Variants in WWOX observed in about 807,000 individuals in gnomAD.
The protein encoded by WWOX is WW domain containing oxidoreductase.
In WWOX, 69 loss-of-function variants were observed where a neutral mutation model predicts 46.2. The observed-to-expected ratio is 1.49, with a 90% CI of 1.23 to 1.82. WWOX has a LOEUF of 1.82. WWOX is among the 40% of genes most tolerant of loss of function. The pLI, the probability that WWOX is intolerant of heterozygous loss-of-function variation, is 0.00. For missense variants in WWOX, 919 were observed against 542.6 expected (o/e 1.69, Z -6.89); for synonymous variants, 359 against 202.6 (o/e 1.77, Z -6.56).
rs578202667 is a variant in WWOX at position 78,779,138 on chromosome 16, C to G, written c.1056+346386C>G. 3.3e-5 allele frequency among the ~76,000 whole-genome samples: 5 copies of G among 152,224 alleles called. No homozygotes were observed. The South Asian group carries it at 1.0e-3, about 32-fold the overall frequency. On this transcript the variant is annotated intron_variant, in intron 8 of 8. Transcript: ENST00000566780. ...AGTGTTGGAAAACATAAATGTGACT[C>G]CAACTTGTCTTTTTTGTTGTTTGTT...
chr16:78,455,381 C>T (rs2083789176), intron 8 of WWOX, among the ~76,000 whole-genome samples: 2 of 152,020 alleles, frequency 1.3e-5, no homozygotes, highest in African/African-American at 2.4e-5. Context: ...TGGCTCATGC[C>T]TGTGATTCCA....
At chr16:78,809,865 G>A (rs1197283393) in intron 8 of WWOX, among the ~76,000 whole-genome samples, 1 of 152,142 alleles carries the variant, frequency 6.6e-6, no homozygotes, top group African/African-American at 2.4e-5. Flanking sequence ...TGGCAGATCA[G>A]TTGCATGTGC....
intron 8 of WWOX, among the ~76,000 whole-genome samples, chr16:79,142,427 G>C (rs2050107822): frequency 6.6e-6 from 1 of 152,124 alleles, no homozygotes; most frequent in African/African-American, 2.4e-5. Context: ...GCCATAGTGA[G>C]AATATTTTCA....
chr16:78,870,590 C>G (rs1411138561), intron 8 of WWOX, among the ~76,000 whole-genome samples: 4 of 151,912 alleles, frequency 2.6e-5, no homozygotes, highest in Admixed American at 1.3e-4. Flanking sequence ...TCACCCCTAC[C>G]AATGTAATCA....
intron 8 of WWOX, among the ~76,000 whole-genome samples, chr16:78,585,827 C>G (rs7196526): frequency 0.33 from 49,959 of 151,658 alleles, 11,507 homozygotes; most frequent in African/African-American, 0.66. Flanking sequence ...GATTCTGTGG[C>G]CTTTATATTA....
At chr16:78,486,559 A>C (rs1483516200) in intron 8 of WWOX, among the ~76,000 whole-genome samples, 1 of 137,584 alleles carries the variant, frequency 7.3e-6, no homozygotes. Context: ...ATTGACTTCC[A>C]GTTTTGTTTT....
chr16:78,920,239 C>A (rs1338203657), intron 8 of WWOX, among the ~76,000 whole-genome samples: 3 of 152,154 alleles, frequency 2.0e-5, no homozygotes, highest in Non-Finnish European at 4.4e-5. Flanking sequence ...AAAGTTTCTT[C>A]CAGGACGTGA....
At chr16:79,064,949 TA>T (rs2048416009) in intron 8 of WWOX, among the ~76,000 whole-genome samples, 1 of 152,154 alleles carries the variant, frequency 6.6e-6, no homozygotes, top group Non-Finnish European at 1.5e-5. Flanking sequence ...AATCTGTGTT[TA>T]TAGAGATGGA....
intron 8 of WWOX, among the ~76,000 whole-genome samples, chr16:78,592,324 G>A (rs74898055): frequency 0.017 from 2,643 of 152,240 alleles, 54 homozygotes; most frequent in East Asian, 0.08. Flanking sequence ...GGCAAGGCTA[G>A]CATGATAACA....
intron 8 of WWOX, among the ~76,000 whole-genome samples, chr16:78,856,428 A>C (rs2052568269): frequency 6.6e-6 from 1 of 152,190 alleles, no homozygotes; most frequent in African/African-American, 2.4e-5. Flanking sequence ...GGATAGCTTG[A>C]GGTCAAGAGT....
intron 8 of WWOX, among the ~76,000 whole-genome samples, chr16:78,900,253 G>A (rs193162644): frequency 1.3e-5 from 2 of 151,982 alleles, no homozygotes; most frequent in Admixed American, 6.5e-5. Context: ...CCTGTTTTGT[G>A]TCAGCTCAGA....
chr16:78,383,867 A>T (rs1253133812), intron 5 of WWOX, among the ~76,000 whole-genome samples: 3 of 152,186 alleles, frequency 2.0e-5, no homozygotes, highest in Non-Finnish European at 4.4e-5. Flanking sequence ...CTTGTGGATT[A>T]GTCTGTTGAA....
Position 79,211,810 on chromosome 16 carries a change from C to G in WWOX, c.*14C>G. The G allele has an allele frequency of 2.5e-6, 4 of 1,613,896 alleles. No individual in the cohort carries two copies. The highest frequency in any genetic ancestry group is 2.2e-5 in the South Asian group (2 of 91,062). On this transcript the variant is annotated 3_prime_UTR_variant, in exon 9 of 9. Transcript: ENST00000566780. ...CAGTCCGGCTAAGTGGAGCTCAGAG[C>G]GGATGGGCACACACACCCGCCCTGT...
rs2083043074 is a variant in WWOX, at chr16:78,424,997, G to A, written c.733G>A (p.Asp245Asn). The stretch of plus-strand genomic sequence containing the variant: ...CTTCTACCTTGTCCAGCTCCTCCAG[G>A]ATGTTTTGTGCCGCTCAGCTCCTGC... ...GHFYLVQLLQ[D>N]VLCRSAPARV... Residue 245 changes from aspartate (D) to asparagine (N), a missense_variant, in exon 7 of 9, where the codon GAT becomes AAT. Coordinates refer to ENST00000566780, the MANE Select transcript of WWOX (RefSeq NM_016373.4). The A allele has an allele frequency of 6.2e-7, 1 of 1,614,114 alleles. No individual in the cohort carries two copies. The highest frequency in any genetic ancestry group is 1.1e-5 in the South Asian group (1 of 91,058).
chr16:78,101,723 G>A (rs924874033), intron 1 of WWOX, among the ~76,000 whole-genome samples: 6 of 152,180 alleles, frequency 3.9e-5, no homozygotes, highest in African/African-American at 1.4e-4. Context: ...GTGAACCACT[G>A]CTGCCTTTGG....
intron 8 of WWOX, among the ~76,000 whole-genome samples, chr16:79,184,099 A>G (rs2050966316): frequency 6.6e-6 from 1 of 152,184 alleles, no homozygotes; most frequent in South Asian, 2.1e-4. Context: ...GAAAAGTGGC[A>G]GCAATTGCCA....
At chr16:78,579,850 AAAT>A (rs2045003852) in intron 8 of WWOX, among the ~76,000 whole-genome samples, 1 of 152,114 alleles carries the variant, frequency 6.6e-6, no homozygotes, top group African/African-American at 2.4e-5. Context: ...TCTTCTTCTG[AAAT>A]GAGGCTGCCT....
chr16:78,906,504 G>T (rs1426614631), intron 8 of WWOX, among the ~76,000 whole-genome samples: 1 of 152,040 alleles, frequency 6.6e-6, no homozygotes, highest in Non-Finnish European at 1.5e-5. Context: ...CTTCACTTGT[G>T]CTGTGCAAAA....
At chr16:78,620,523 A>AG (rs1432206067) in intron 8 of WWOX, among the ~76,000 whole-genome samples, 1 of 152,154 alleles carries the variant, frequency 6.6e-6, no homozygotes, top group African/African-American at 2.4e-5. Context: ...TCTCCAGACT[A>AG]GACACTAGAT....
Sources: gnomAD v4.1 joint callset for allele counts (sites outside exome capture counted in the v4.1 genomes callset) on GRCh38, gnomAD v4.1.1 for gene constraint, MANE v1.5 for transcripts, NCBI Gene and HGNC (gene_info 2026-07-23, HGNC 2026-07-21) for gene names.